ECE2: variants seen among roughly 807,000 people sequenced by gnomAD.
ECE2 encodes endothelin converting enzyme 2, also known as endothelin-converting enzyme 2.
ECE2 carries 81 observed loss-of-function variants against 100.6 expected under a neutral mutation model. That is an observed-to-expected ratio of 0.81 (90% CI 0.67 to 0.97). The LOEUF is 0.97. Ranked by LOEUF, ECE2 falls within the 50% of genes least tolerant of loss-of-function variation. The pLI is 0.00. For synonymous variants in ECE2, 391 were observed against 391.5 expected, an observed-to-expected ratio of 1.00 and a Z score of 0.02; for missense variants, 911 against 988.1, an observed-to-expected ratio of 0.92 and a Z score of 1.05.
At chr3:184,276,822 C>T in intron 2 of ECE2, 70 bp from the exon 3 acceptor site, 2 of 1,594,894 alleles carry the variant, frequency 1.3e-6, no homozygotes, top group South Asian at 1.1e-5. Context: ...CTGCCTGTGG[C>T]TTCACCCTCT....
chr3:184,289,684 TG>T lies in ECE2; in HGVS notation c.1519del (p.Glu507SerfsTer24), dbSNP rs1358235802. 1.9e-5 allele frequency: 31 copies of T among 1,613,516 alleles called. No homozygotes were observed. The highest frequency in any genetic ancestry group is 2.6e-5 in the Non-Finnish European group (31 of 1,179,832). ...YDMIGFPDFILEPKELDDVYD... is the reference protein window; with the variant it reads ...YDMIGFPDFIXEPKELDDVYD... ...ATGATTGGTTTCCCAGACTTTATCCTGGAGCCCAAAGAGCTGGATGATGTTT... is the reference window on the plus strand; with the variant it reads ...ATGATTGGTTTCCCAGACTTTATCCTGAGCCCAAAGAGCTGGATGATGTTT... On this transcript the variant is annotated frameshift_variant, in exon 13 of 19. Coordinates refer to ENST00000404464, the MANE Select transcript of ECE2 (RefSeq NM_001100121.2). LOFTEE classifies it high-confidence loss of function. This position sits in a 1 kb window ranked among gnomAD's most constrained non-coding sequence, Gnocchi z 4.1.
intron 7 of ECE2, among the ~76,000 whole-genome samples, chr3:184,282,173 G>T (rs1327360144): frequency 6.6e-6 from 1 of 152,178 alleles, no homozygotes; most frequent in Non-Finnish European, 1.5e-5. Flanking sequence ...TAAGCTGAAG[G>T]TGAGGAGGTA....
At chr3:184,290,478 G>A in intron 14 of ECE2, 79 bp from the exon 15 acceptor site, 1 of 1,565,230 alleles carries the variant, frequency 6.4e-7, no homozygotes, top group East Asian at 2.2e-5. Flanking sequence ...TACCCTTGCA[G>A]GAGGTAGGGC....
rs1417124941 is a variant in ECE2 at position 184,278,362 on chromosome 3, GCCCAGACTT to G, written c.750+53_750+61del. ...GAGAGACTTAGGGACACTTTGCTGA[GCCCAGACTT>G]CCCTCTCCTGTGACAGGCAGGCTGG... is the stretch of plus-strand genomic sequence containing the variant. On this transcript the variant is annotated intron_variant, in intron 6 of 18. Coordinates refer to ENST00000404464, the MANE Select transcript of ECE2 (RefSeq NM_001100121.2). 4.4e-6 allele frequency: 7 copies of G among 1,600,494 alleles called. No individual in the cohort carries two copies. The African/African-American group carries it at 9.4e-5, about 21-fold the overall frequency.
intron 3 of ECE2, 83 bp downstream of exon 3, chr3:184,277,110 A>T: frequency 6.2e-7 from 1 of 1,602,444 alleles, no homozygotes; most frequent in Non-Finnish European, 8.5e-7. Context: ...CACTTGTGGG[A>T]ACCAAGCCTT....
At chr3:184,279,780 G>C (rs1720742404) in intron 7 of ECE2, among the ~76,000 whole-genome samples, 1 of 152,094 alleles carries the variant, frequency 6.6e-6, no homozygotes, top group Admixed American at 6.6e-5. Flanking sequence ...GGCAGGAATG[G>C]GTTATGGAGG....
Position 184,290,615 on chromosome 3 carries a change from G to A in ECE2, c.1714G>A (p.Val572Ile), listed in dbSNP as rs202154219. ...AYYLPTKNEIVFPAGILQAPF... is the reference protein window; with the variant it reads ...AYYLPTKNEIIFPAGILQAPF... ...CTACCTTCCAACTAAGAATGAGATC[G>A]TCTTCCCCGCTGGCATCCTGCAGGC... Residue 572 changes from valine (V) to isoleucine (I), a missense_variant, in exon 15 of 19, where the codon GTC becomes ATC. Val to Ile is a conservative substitution (Grantham distance 29, BLOSUM62 3). Transcript: ENST00000404464. 7.4e-6 allele frequency: 12 copies of A among 1,614,156 alleles called. No individual in the cohort carries two copies. Among genetic ancestry groups the A allele is most frequent in the African/African-American group, 2.7e-5 (2 of 75,032 alleles).
chr3:184,289,812 G>T lies in ECE2; in HGVS notation c.1551+94G>T. The T allele has an allele frequency of 1.7e-6, 2 of 1,146,776 alleles. No individual in the cohort carries two copies. Among genetic ancestry groups the T allele is most frequent in the Non-Finnish European group, 2.5e-6 (2 of 813,394 alleles). 71.0% of individuals were successfully genotyped at this position (1,146,776 alleles called of 1,614,324 possible). On this transcript the variant is annotated intron_variant, in intron 13 of 18. Transcript: ENST00000404464. The surrounding 1 kb of genome is among the most constrained non-coding windows in gnomAD (Gnocchi z 4.1). ...TTGGGGCTCAAGCACTGGGAAAGAG[G>T]TGCTTGTCGGTTTCTTTTAGAGGCA...
At chr3:184,276,639 T>C (rs751246050) in intron 2 of ECE2, 72 bp downstream of exon 2, 1 of 1,579,628 alleles carries the variant, frequency 6.3e-7, no homozygotes, top group African/African-American at 1.3e-5. Flanking sequence ...CCAGGAGCTC[T>C]GGGCTGTTCT....
chr3:184,283,789 TCA>T lies in ECE2; in HGVS notation c.823_824del (p.Thr275CysfsTer70). ...GGATCACCCGGGCCTTGACAGGTGCTCACTGCCTATCTGGATTACATGGAGGA... is the reference window on the plus strand; with the variant it reads ...GGATCACCCGGGCCTTGACAGGTGCTCTGCCTATCTGGATTACATGGAGGA... On this transcript the variant is annotated frameshift_variant, in exon 8 of 19. Coordinates refer to ENST00000404464, the MANE Select transcript of ECE2 (RefSeq NM_001100121.2). LOFTEE classifies it high-confidence loss of function. 6.2e-7 allele frequency: 1 copy of T among 1,613,566 alleles called. No individual in the cohort carries two copies. Among genetic ancestry groups the T allele is most frequent in the Admixed American group, 1.7e-5 (1 of 59,948 alleles).
At position 184,276,088 on chromosome 3, in the gene ECE2, G is replaced by C. The variant is rs1720529687; in HGVS notation, c.-66G>C. The C allele has an allele frequency of 6.4e-6, 8 of 1,246,930 alleles. No homozygotes were observed. The highest frequency in any genetic ancestry group is 3.2e-5 in the East Asian group (1 of 31,292). 77.2% of individuals were successfully genotyped at this position (1,246,930 alleles called of 1,614,324 possible). A position where few individuals can be genotyped will look rare whatever the true frequency, so the allele number is the denominator to read the frequency against. ...TGACGGCGGGGCCGGGCAGGGGACC[G>C]GGGCCGCGGCCCGGGAGCGGGCCAG... On this transcript the variant is annotated 5_prime_UTR_variant, in exon 1 of 19. Coordinates refer to ENST00000404464, the MANE Select transcript of ECE2 (RefSeq NM_001100121.2).
chr3:184,276,378 T>C (rs2108415519), intron 1 of ECE2, 103 bp from the exon 2 acceptor site: 1 of 1,459,618 alleles, frequency 6.9e-7, no homozygotes, highest in East Asian at 2.5e-5. Context: ...AGGGCCCTCT[T>C]AGCAGGGCGG....
chr3:184,287,745 T>C, intron 10 of ECE2, 92 bp from the exon 11 acceptor site: 1 of 1,136,626 alleles, frequency 8.8e-7, no homozygotes, highest in South Asian at 1.3e-5. Context: ...TGTCCAGAGC[T>C]GAGAAGGGCT....
chr3:184,276,754 A>G, intron 2 of ECE2, 138 bp from the exon 3 acceptor site: 13 of 1,556,286 alleles, frequency 8.4e-6, no homozygotes, highest in Non-Finnish European at 1.1e-5. Context: ...CTCAAGGCTC[A>G]ACTCACTGGC....
rs988563235 is a variant in ECE2 at position 184,291,640 on chromosome 3, C to T, written c.2121+201C>T. The T allele has an allele frequency of 1.1e-4, 61 of 538,750 alleles. No homozygotes were observed. The highest frequency in any genetic ancestry group is 2.8e-4 in the Admixed American group (8 of 28,116). 33.4% of individuals were successfully genotyped at this position (538,750 alleles called of 1,614,324 possible). A position where few individuals can be genotyped will look rare whatever the true frequency, so the allele number is the denominator to read the frequency against. On this transcript the variant is annotated intron_variant, in intron 18 of 18. Transcript: ENST00000404464. This position sits in a 1 kb window ranked among gnomAD's most constrained non-coding sequence, Gnocchi z 4.1. ...CAAAGGCAGCCTGAAGAGGCCTGAG[C>T]GGGAGAATGCCTTGGTAGGATTTCG...
Position 184,283,815 on chromosome 3 carries a change from G to A in ECE2, c.847G>A (p.Glu283Lys), listed in dbSNP as rs769546157. The change falls in exon 8 of 19, where the codon GAA becomes AAA. Residue 283 changes from glutamate to lysine, a missense_variant. Coordinates refer to ENST00000404464, the MANE Select transcript of ECE2 (RefSeq NM_001100121.2). ...CACTGCCTATCTGGATTACATGGAGGAACTGGGGATGCTGCTGGGTGGGCG... is the reference window on the plus strand; with the variant it reads ...CACTGCCTATCTGGATTACATGGAGAAACTGGGGATGCTGCTGGGTGGGCG... ...VLTAYLDYMEELGMLLGGRPT... is the reference protein window; with the variant it reads ...VLTAYLDYMEKLGMLLGGRPT... 6.2e-7 allele frequency: 1 copy of A among 1,613,878 alleles called. No homozygotes were observed. Among genetic ancestry groups the A allele is most frequent in the Non-Finnish European group, 8.5e-7 (1 of 1,179,978 alleles).
At chr3:184,282,862 G>T (rs1440359977) in intron 7 of ECE2, among the ~76,000 whole-genome samples, 1 of 152,246 alleles carries the variant, frequency 6.6e-6, no homozygotes, top group East Asian at 1.9e-4. Flanking sequence ...CTAATAGAGA[G>T]TCTGATGTAT....
chr3:184,290,416 TC>T, intron 14 of ECE2, 58 bp downstream of exon 14: 1 of 1,585,284 alleles, frequency 6.3e-7, no homozygotes, highest in Non-Finnish European at 8.7e-7. Context: ...GGGGGAAGGT[TC>T]CTGGGATGGG....
rs1182868465 is a variant in ECE2, at chr3:184,289,105, A to G, written c.1375-332A>G. 6.6e-6 allele frequency among the ~76,000 whole-genome samples: 1 copy of G among 151,706 alleles called. No homozygotes were observed. The highest frequency in any genetic ancestry group is 1.5e-5 in the Non-Finnish European group (1 of 67,950). ...GGGAGGCGGAGGTTGCAGTGAGCCG[A>G]GATTGCGCCACTGCACTCCATCCTA... is the stretch of plus-strand genomic sequence containing the variant. On this transcript the variant is annotated intron_variant, in intron 11 of 18. Coordinates refer to ENST00000404464, the MANE Select transcript of ECE2 (RefSeq NM_001100121.2). This position sits in a 1 kb window ranked among gnomAD's most constrained non-coding sequence, Gnocchi z 4.1.
Sources: gnomAD v4.1 joint callset for allele counts (sites outside exome capture counted in the v4.1 genomes callset) on GRCh38, gnomAD v4.1.1 for gene constraint, Gnocchi (gnomAD v3.1) non-coding constraint, MANE v1.5 for transcripts, NCBI Gene and HGNC (gene_info 2026-07-23, HGNC 2026-07-21) for gene names.